Variants in C2CD5 observed in about 807,000 individuals in gnomAD.
C2CD5 encodes the protein C2 domain-containing protein 5.
Under a neutral mutation model 130.3 loss-of-function variants are expected in C2CD5, and 109 were observed. The ratio of observed to expected loss-of-function variants is 0.84; its 90% CI spans 0.72 to 0.98. The LOEUF (loss-of-function observed/expected upper bound fraction) is 0.98. C2CD5 is among the 50% of genes least tolerant of loss of function. The probability of loss-of-function intolerance (pLI) is 0.00; values close to 1 mark genes in which losing one functional copy is unlikely to be tolerated. For missense variants in C2CD5, 996 were observed against 1,261.8 expected (o/e 0.79, Z 3.19); for synonymous variants, 454 against 429.2 (o/e 1.06, Z -0.71).
At chr12:22,509,017 C>CA (rs1948890883) in intron 9 of C2CD5, among the ~76,000 whole-genome samples, 1 of 151,734 alleles carries the variant, frequency 6.6e-6, no homozygotes, top group Admixed American at 6.6e-5. Context: ...GCTGGGACTA[C>CA]AGGCGCCCGC....
intron 16 of C2CD5, 52 bp downstream of exon 16, chr12:22,474,699 T>A: frequency 1.4e-6 from 2 of 1,383,692 alleles, no homozygotes; most frequent in Non-Finnish European, 2.0e-6. Context: ...CGTGAAAAAA[T>A]GTGTATCTTA....
At chr12:22,497,616 G>T (rs1591846042) in intron 10 of C2CD5, 2 of 971,930 alleles carry the variant, frequency 2.1e-6, no homozygotes, top group African/African-American at 3.5e-5. Flanking sequence ...TCTTGAAGAA[G>T]ATAAATTTCC....
chr12:22,459,627 A>T (rs146578205), intron 22 of C2CD5, 85 bp from the exon 23 acceptor site: 9 of 771,512 alleles, frequency 1.2e-5, no homozygotes, highest in African/African-American at 1.8e-5. Context: ...TACCTCTATA[A>T]GCCAGAAGAA....
At chr12:22,512,983 TG>T (rs1949354250) in intron 9 of C2CD5, among the ~76,000 whole-genome samples, 2 of 151,912 alleles carry the variant, frequency 1.3e-5, no homozygotes, top group East Asian at 1.9e-4. Context: ...TTCTGCAAAA[TG>T]TTTACCATCT....
At chr12:22,525,350 C>A (rs192409012) in intron 5 of C2CD5, among the ~76,000 whole-genome samples, 3 of 152,164 alleles carry the variant, frequency 2.0e-5, no homozygotes, top group Admixed American at 1.3e-4. Flanking sequence ...TAGTGTTCTG[C>A]TCCTTTCTTT....
intron 8 of C2CD5, among the ~76,000 whole-genome samples, chr12:22,514,338 C>T (rs1336546188): frequency 6.6e-6 from 1 of 152,126 alleles, no homozygotes; most frequent in Non-Finnish European, 1.5e-5. Context: ...TAGTCCCATT[C>T]TGTTCCTAAA....
chr12:22,482,251 T>C (rs1944846829), intron 14 of C2CD5, among the ~76,000 whole-genome samples: 1 of 152,174 alleles, frequency 6.6e-6, no homozygotes, highest in Non-Finnish European at 1.5e-5. Flanking sequence ...AGTACTGAGA[T>C]GGAGGAACCC....
At chr12:22,519,039 C>T (rs746107813) in intron 7 of C2CD5, 8 of 1,315,026 alleles carry the variant, frequency 6.1e-6, no homozygotes, top group Non-Finnish European at 8.3e-6. Context: ...GCCTACACTA[C>T]CTGCCTGCCT....
At chr12:22,478,753 G>A (rs1944248036) in intron 14 of C2CD5, among the ~76,000 whole-genome samples, 1 of 152,028 alleles carries the variant, frequency 6.6e-6, no homozygotes, top group Non-Finnish European at 1.5e-5. Flanking sequence ...GGGTGAGGCA[G>A]GACAATCACT....
rs1429280714 is a variant in C2CD5, at chr12:22,457,134, A to G, written c.2714T>C (p.Val905Ala). 46 of 1,605,406 alleles carry G rather than the reference A, an allele frequency of 2.9e-5. No homozygotes were observed. The highest frequency in any genetic ancestry group is 3.5e-5 in the Non-Finnish European group (41 of 1,176,804). Residue 905 changes from valine (V) to alanine (A), a missense_variant, in exon 25 of 27, where the codon GTG becomes GCG. Around this residue, in one of 9 missense-constraint regions of C2CD5, gnomAD observed 590 missense variants for 631.4 expected, o/e 0.93. Coordinates refer to ENST00000446597, the MANE Select transcript of C2CD5 (RefSeq NM_001286176.2). ...ACGATTCCGGAAATTTCCATCACCCACTGGACTTGCTTTTTCAACTGTCAT... is the reference window on the plus strand; with the variant it reads ...ACGATTCCGGAAATTTCCATCACCCGCTGGACTTGCTTTTTCAACTGTCAT... ...TTMTVEKASP[V>A]GDGNFRNRSA...
chr12:22,452,440 T>C (rs1938865409), intron 26 of C2CD5, among the ~76,000 whole-genome samples: 3 of 151,934 alleles, frequency 2.0e-5, no homozygotes, highest in Non-Finnish European at 2.9e-5. Context: ...CTCCACACAA[T>C]CTCCTTCACG....
chr12:22,522,280 T>C (rs551707779), intron 7 of C2CD5, among the ~76,000 whole-genome samples: 13 of 152,300 alleles, frequency 8.5e-5, no homozygotes, highest in Admixed American at 4.6e-4. Context: ...GTCTTCATTG[T>C]ATAGGGTTGT....
intron 2 of C2CD5, among the ~76,000 whole-genome samples, chr12:22,543,296 T>G (rs967746008): frequency 6.6e-6 from 1 of 152,232 alleles, no homozygotes; most frequent in Non-Finnish European, 1.5e-5. Flanking sequence ...CTTTACTAAT[T>G]TGCATGACTT....
At chr12:22,451,467 TA>T (rs1166446005) in intron 26 of C2CD5, among the ~76,000 whole-genome samples, 2 of 152,152 alleles carry the variant, frequency 1.3e-5, no homozygotes, top group African/African-American at 4.8e-5. Context: ...GGGAAAAAGC[TA>T]ATGACATAAA....
chr12:22,484,588 T>C, intron 13 of C2CD5, 109 bp downstream of exon 13: 1 of 502,128 alleles, frequency 2.0e-6, no homozygotes, highest in East Asian at 3.1e-5. Flanking sequence ...GTCCAGTTTG[T>C]GCAGGATCAA....
chr12:22,490,325 G>C (rs1392769651), intron 11 of C2CD5, 107 bp from the exon 12 acceptor site: 1 of 703,732 alleles, frequency 1.4e-6, no homozygotes, highest in East Asian at 2.8e-5. Context: ...GTTCAAGTTA[G>C]ACTCTACTCA....
In C2CD5 at chr12:22,544,073, A is replaced by G; in HGVS notation, c.78T>C (p.Asp26=). 1.2e-6 allele frequency: 2 copies of G among 1,613,028 alleles called. No homozygotes were observed. Among genetic ancestry groups the G allele is most frequent in the Non-Finnish European group, 1.7e-6 (2 of 1,179,214 alleles). Residue 26 remains aspartate, a synonymous_variant, in exon 2 of 27, where the codon GAT becomes GAC. Coordinates refer to ENST00000446597, the MANE Select transcript of C2CD5 (RefSeq NM_001286176.2). ...ACCCTGCACCAACCTCCACGAAGGC[A>G]TCAGTCAGGTCACTAGCACGGTCCA... The part of the protein sequence containing the change: ...PVMDRASDLT[D]AFVEVKFGNT...
chr12:22,471,516 C>A, intron 19 of C2CD5, 28 bp from the exon 20 acceptor site: 1 of 1,279,964 alleles, frequency 7.8e-7, no homozygotes, highest in Non-Finnish European at 1.1e-6. Context: ...TTAGTAATGT[C>A]ACTTTTTTAT....
At chr12:22,514,024 T>G (rs183051694) in intron 8 of C2CD5, among the ~76,000 whole-genome samples, 1 of 152,154 alleles carries the variant, frequency 6.6e-6, no homozygotes, top group African/African-American at 2.4e-5. Flanking sequence ...CAAATGTACA[T>G]AGTTATGAAT....
Sources: allele counts gnomAD v4.1 joint callset (sites outside exome capture counted in the v4.1 genomes callset), GRCh38; gene constraint gnomAD v4.1.1; regional missense constraint gnomAD v4.1.1; transcripts MANE v1.5; gene names NCBI Gene and HGNC (gene_info 2026-07-23, HGNC 2026-07-21).